PALB2: variants seen among roughly 807,000 people sequenced by gnomAD.
PALB2 encodes the protein mutant partner and localizer of BRCA2.
A neutral mutation model predicts 107.4 loss-of-function variants in PALB2; 82 were observed. The ratio of observed to expected loss-of-function variants is 0.76; its 90% CI spans 0.64 to 0.92. The LOEUF (loss-of-function observed/expected upper bound fraction) is 0.92. Among genes scored for constraint, PALB2 ranks in the 40% least tolerant of loss-of-function variants. The probability of loss-of-function intolerance (pLI) is 0.00; values close to 1 mark genes in which losing one functional copy is unlikely to be tolerated. For synonymous variants in PALB2, 489 were observed against 496.8 expected, an observed-to-expected ratio of 0.98 and a Z score of 0.21; for missense variants, 1,374 against 1,379.9, an observed-to-expected ratio of 1.00 and a Z score of 0.07.
Position 23,622,992 on chromosome 16 carries a change from G to T in PALB2, c.2973C>A (p.Val991=), listed in dbSNP as rs2142334725. The part of the protein sequence containing the change: ...SGTLSDQQVE[V]MTFAEDGGGK... ...ACCCTCCATCTTCTGCAAACGTCAT[G>T]ACTTCTACTTGTTGATCAGAAAGGG... Residue 991 remains valine (V), a synonymous_variant, in exon 9 of 13, where the codon GTC becomes GTA. Coordinates refer to ENST00000261584, the MANE Select transcript of PALB2 (RefSeq NM_024675.4). 6.2e-7 allele frequency: 1 copy of T among 1,614,090 alleles called. No individual in the cohort carries two copies. Among genetic ancestry groups the T allele is most frequent in the Non-Finnish European group, 8.5e-7 (1 of 1,180,036 alleles).
At chr16:23,614,886 G>A (rs1184835018) in intron 10 of PALB2, among the ~76,000 whole-genome samples, 1 of 150,724 alleles carries the variant, frequency 6.6e-6, no homozygotes, top group East Asian at 2.0e-4. Context: ...TCCTGACCTC[G>A]TGATCCGCCC....
Position 23,608,020 on chromosome 16 carries a change from C to A in PALB2, c.3202-8G>T, listed in dbSNP as rs367979106. ...GACAATAAAGAGAAGCCCCTAATTT[C>A]GGAGAAAAATAAATATCCCAAATAG... On this transcript the variant is annotated splice_polypyrimidine_tract_variant and splice_region_variant and intron_variant, in intron 11 of 12. Coordinates refer to ENST00000261584, the MANE Select transcript of PALB2 (RefSeq NM_024675.4). 40 of 1,612,996 alleles carry A rather than the reference C, an allele frequency of 2.5e-5. No homozygotes were observed. The highest frequency in any genetic ancestry group is 3.3e-4 in the Middle Eastern group (2 of 6,084).
chr16:23,632,625 G>A (rs1167872079), intron 4 of PALB2, among the ~76,000 whole-genome samples: 2 of 152,148 alleles, frequency 1.3e-5, no homozygotes, highest in East Asian at 1.9e-4. Context: ...TAATGGGTAT[G>A]GGGTTTAGGG....
In PALB2 at chr16:23,629,638, A is replaced by T. The variant is rs1343145658; in HGVS notation, c.2514+2T>A. 6.2e-7 allele frequency: 1 copy of T among 1,613,328 alleles called. No homozygotes were observed. The highest frequency in any genetic ancestry group is 1.1e-5 in the South Asian group (1 of 91,066). ...AAATTTCACAGAGGAAATGGATTGT[A>T]CCTGTTCGACGGAATGTTTATGCAG... On this transcript the variant is annotated splice_donor_variant, in intron 5 of 12. Transcript: ENST00000261584. LOFTEE classifies it high-confidence loss of function.
At chr16:23,610,309 C>T (rs1645236) in intron 11 of PALB2, among the ~76,000 whole-genome samples, 10,990 of 133,722 alleles carry the variant, frequency 0.082, 468 homozygotes, top group East Asian at 0.19. Flanking sequence ...AATGTTATTT[C>T]TTTTTTTTTT....
At position 23,638,084 on chromosome 16, in the gene PALB2, G is replaced by C. The variant is rs151316635; in HGVS notation, c.94C>G (p.Leu32Val). 124 of 1,613,892 alleles carry C rather than the reference G, an allele frequency of 7.7e-5. No individual in the cohort carries two copies. The highest frequency in any genetic ancestry group is 1.0e-4 in the Non-Finnish European group (118 of 1,179,886). Residue 32 changes from leucine (L) to valine (V), a missense_variant, in exon 2 of 13, where the codon CTA (leucine) becomes GTA (valine). Coordinates refer to ENST00000261584, the MANE Select transcript of PALB2 (RefSeq NM_024675.4). The part of the protein sequence containing the change: ...AFLKREYSKT[L>V]ARLQRAQRAE... ...GATTCACTTACCTGAAGGCGGGCTA[G>C]TGTCTTGCTGTATTCCCTTTTCAAG...
chr16:23,614,230 A>C, intron 10 of PALB2, 139 bp from the exon 11 acceptor site: 1 of 656,094 alleles, frequency 1.5e-6, no homozygotes, highest in Non-Finnish European at 2.7e-6. Context: ...CTTTAGTCAT[A>C]GATTTAGGTA....
chr16:23,620,893 CA>C (rs1966760517), intron 10 of PALB2, among the ~76,000 whole-genome samples: 2 of 152,000 alleles, frequency 1.3e-5, no homozygotes, highest in East Asian at 3.9e-4. Flanking sequence ...GCCAACATGG[CA>C]AAATCCCTTC....
intron 4 of PALB2, among the ~76,000 whole-genome samples, chr16:23,630,873 G>T (rs1306884367): frequency 6.6e-6 from 1 of 151,968 alleles, no homozygotes; most frequent in East Asian, 1.9e-4. Flanking sequence ...ACTTTCAGAG[G>T]TCAAGGTAAG....
Position 23,626,413 on chromosome 16 carries a change from C to T in PALB2, c.2587-16G>A, listed in dbSNP as rs1057522563. 1 of 1,614,100 alleles carries T rather than the reference C, an allele frequency of 6.2e-7. No individual in the cohort carries two copies. The highest frequency in any genetic ancestry group is 8.5e-7 in the Non-Finnish European group (1 of 1,179,996). On this transcript the variant is annotated splice_polypyrimidine_tract_variant and intron_variant, in intron 6 of 12. Transcript: ENST00000261584. ...CTGAAGGATTCTGACACAATGGCAA[C>T]AGTTCTGTTAAAGTGGCACTCGAGT...
At chr16:23,618,048 C>T (rs1053714988) in intron 10 of PALB2, among the ~76,000 whole-genome samples, 8 of 152,054 alleles carry the variant, frequency 5.3e-5, no homozygotes, top group Admixed American at 2.0e-4. Flanking sequence ...TCTGTGGTCT[C>T]GGCACTTTGG....
At position 23,603,592 on chromosome 16, in the gene PALB2, A is replaced by G. The variant is rs62625284; in HGVS notation, c.3428T>C (p.Leu1143Pro). The change falls in exon 13 of 13, where the codon CTT becomes CCT. Residue 1143 changes from leucine to proline, a missense_variant. Transcript: ENST00000261584. ...GAGGAGGGCAGTACACTGACCGAGAAGTAAGTCCCAAATGGCAATTGTTCC... is the reference window on the plus strand; with the variant it reads ...GAGGAGGGCAGTACACTGACCGAGAGGTAAGTCCCAAATGGCAATTGTTCC... ...TSGTIAIWDL[L>P]LGQCTALLPP... The G allele has an allele frequency of 6.2e-7, 1 of 1,614,164 alleles. No individual in the cohort carries two copies. The highest frequency in any genetic ancestry group is 8.5e-7 in the Non-Finnish European group (1 of 1,180,026).
At chr16:23,626,844 C>T (rs1966843636) in intron 6 of PALB2, among the ~76,000 whole-genome samples, 1 of 152,050 alleles carries the variant, frequency 6.6e-6, no homozygotes, top group African/African-American at 2.4e-5. Context: ...TGGTCTTGAA[C>T]TCCTGACCTC....
chr16:23,629,729 T>A lies in PALB2; in HGVS notation c.2425A>T (p.Thr809Ser), dbSNP rs753204710. ...GTGAATGACTCAATGGGTGGAGGTG[T>A]TCCTGGCGGGACAGAGTCACAGTCA... ...TCDCDSVPPG[T>S]PPPIESFTFK... The change falls in exon 5 of 13, where the codon ACA becomes TCA. Residue 809 changes from threonine (T) to serine (S), a missense_variant. Physicochemically the swap from Thr to Ser is moderately conservative, Grantham distance 58. Coordinates refer to ENST00000261584, the MANE Select transcript of PALB2 (RefSeq NM_024675.4). 1 of 1,614,230 alleles carries A rather than the reference T, an allele frequency of 6.2e-7. No individual in the cohort carries two copies. Among genetic ancestry groups the A allele is most frequent in the Non-Finnish European group, 8.5e-7 (1 of 1,180,046 alleles).
chr16:23,613,850 T>G (rs1407334337), intron 11 of PALB2, among the ~76,000 whole-genome samples, 154 bp downstream of exon 11: 9 of 152,152 alleles, frequency 5.9e-5, no homozygotes, highest in Non-Finnish European at 1.2e-4. Flanking sequence ...ACACTTATTT[T>G]CATCCTAAAT....
chr16:23,634,649 TTA>T (rs1207552786), intron 4 of PALB2, among the ~76,000 whole-genome samples: 1 of 100,942 alleles, frequency 9.9e-6, no homozygotes, highest in Non-Finnish European at 2.1e-5. Flanking sequence ...TTTTATTTAT[TTA>T]TTTATTTATT....
chr16:23,641,001 G>A, intron 1 of PALB2, 109 bp downstream of exon 1: 1 of 1,222,936 alleles, frequency 8.2e-7, no homozygotes, highest in Admixed American at 2.2e-5. Flanking sequence ...AGGAGGGGGT[G>A]GTCAGATGAT....
At chr16:23,612,527 T>C (rs1597071716) in intron 11 of PALB2, among the ~76,000 whole-genome samples, 1 of 149,280 alleles carries the variant, frequency 6.7e-6, no homozygotes, top group East Asian at 2.0e-4. Context: ...CCAAGACTTT[T>C]TTTTTTTTTT....
chr16:23,618,196 G>A (rs549096544), intron 10 of PALB2, among the ~76,000 whole-genome samples: 2 of 152,280 alleles, frequency 1.3e-5, no homozygotes, highest in South Asian at 2.1e-4. Flanking sequence ...CTACTCAGGA[G>A]GCTGAGGTGG....
Sources: gnomAD v4.1 joint callset for allele counts (sites outside exome capture counted in the v4.1 genomes callset) on GRCh38, gnomAD v4.1.1 for gene constraint, MANE v1.5 for transcripts, NCBI Gene and HGNC (gene_info 2026-07-23, HGNC 2026-07-21) for gene names.